Variants in MAP7D2 observed in about 807,000 individuals in gnomAD.
MAP7D2 encodes the protein MAP7 domain containing 2, also known as MAP7 domain-containing protein 2.
In MAP7D2, 33 loss-of-function variants were observed where a neutral mutation model predicts 63.5. That is an observed-to-expected ratio of 0.52 (90% CI 0.39 to 0.70). MAP7D2 has a LOEUF of 0.70. Among genes scored for constraint, MAP7D2 ranks in the 30% least tolerant of loss-of-function variants. MAP7D2 has a pLI of 0.00. For missense variants in MAP7D2, 626 were observed against 604.0 expected, an observed-to-expected ratio of 1.04 and a Z score of -0.38; for synonymous variants, 224 against 223.7, an observed-to-expected ratio of 1.00 and a Z score of -0.01.
intron 1 of MAP7D2, among the ~76,000 whole-genome samples, chrX:20,106,896 C>T (rs1331277151): frequency 6.4e-5 from 7 of 109,083 alleles, no homozygotes; most frequent in East Asian, 2.9e-4. Flanking sequence ...GTGGGAGGAT[C>T]GCTTGAGCCT....
intron 5 of MAP7D2, among the ~76,000 whole-genome samples, chrX:20,051,930 C>A (rs974369126): frequency 1.8e-5 from 2 of 112,454 alleles, no homozygotes; most frequent in Non-Finnish European, 3.8e-5. Context: ...CTCTTCATCA[C>A]TTCCAGGTTC....
rs187308608 is a variant in MAP7D2 at position 20,046,716 on chromosome X, A to G, written c.719-2192T>C. ...TTTCGAAAACTTAGGATTTTAGCCTAATACCTGAACACAATATATCTTTCT... is the reference window on the plus strand; with the variant it reads ...TTTCGAAAACTTAGGATTTTAGCCTGATACCTGAACACAATATATCTTTCT... On this transcript the variant is annotated intron_variant, in intron 6 of 16. Transcript: ENST00000379643. 1.1e-3 allele frequency among the ~76,000 whole-genome samples: 127 copies of G among 112,889 alleles called. 2 individuals carry two copies. Among genetic ancestry groups the G allele is most frequent in the South Asian group, 8.8e-3 (24 of 2,742 alleles).
chrX:20,030,984 T>C (rs768182517), intron 8 of MAP7D2, among the ~76,000 whole-genome samples: 8 of 112,170 alleles, frequency 7.1e-5, no homozygotes, highest in Admixed American at 5.7e-4. Flanking sequence ...ACGACTAGCC[T>C]ATATTCTTTA....
chrX:20,011,434 TGAA>T (rs1448159522), intron 15 of MAP7D2, among the ~76,000 whole-genome samples: 1 of 112,497 alleles, frequency 8.9e-6, no homozygotes, highest in African/African-American at 3.2e-5. Context: ...CAAAGCAAGT[TGAA>T]GAAGAACCCT....
intron 8 of MAP7D2, 52 bp downstream of exon 8, chrX:20,042,450 G>C: frequency 1.7e-6 from 2 of 1,196,540 alleles, no homozygotes; most frequent in Admixed American, 2.2e-5. Flanking sequence ...CAAAGCCCTA[G>C]CAAACTGACT....
In MAP7D2 at chrX:20,006,817, G is replaced by C. The variant is rs1056921817; in HGVS notation, c.*1608C>G. 9.0e-6 allele frequency: 1 copy of C among 111,422 alleles called. No individual in the cohort carries two copies. Among genetic ancestry groups the C allele is most frequent in the African/African-American group, 3.3e-5 (1 of 30,627 alleles). 9.2% of individuals were successfully genotyped at this position (111,422 alleles called of 1,213,427 possible). A position where few individuals can be genotyped will look rare whatever the true frequency, so the allele number is the denominator to read the frequency against. On this transcript the variant is annotated 3_prime_UTR_variant, in exon 17 of 17. Coordinates refer to ENST00000379643, the MANE Select transcript of MAP7D2 (RefSeq NM_001168465.2). ...CACAGGTTTTTAAAAGCCTGGTTTG[G>C]TTTCAGCACATTGAGCTTACAGAAA...
chrX:20,102,641 G>A (rs1471239685), intron 1 of MAP7D2, among the ~76,000 whole-genome samples: 2 of 110,520 alleles, frequency 1.8e-5, no homozygotes, highest in Non-Finnish European at 3.8e-5. Context: ...TGGACGGACG[G>A]ACAGAGATCC....
chrX:20,088,056 ATT>A (rs754137002), intron 1 of MAP7D2, among the ~76,000 whole-genome samples: 5 of 95,679 alleles, frequency 5.2e-5, no homozygotes, highest in Admixed American at 1.2e-4. Context: ...CGTCCGGCTA[ATT>A]TTTTTTTTTT....
At chrX:20,111,824 G>A (rs1036390240) in intron 1 of MAP7D2, among the ~76,000 whole-genome samples, 3 of 112,114 alleles carry the variant, frequency 2.7e-5, no homozygotes, top group South Asian at 7.4e-4. Flanking sequence ...AGGCTGGAGT[G>A]CAGTGGCACA....
intron 1 of MAP7D2, among the ~76,000 whole-genome samples, chrX:20,095,286 C>T (rs1485997765): frequency 1.8e-5 from 2 of 111,682 alleles, no homozygotes; most frequent in Non-Finnish European, 3.8e-5. Flanking sequence ...TGTCTGTAAT[C>T]ACGGCACTTT....
intron 4 of MAP7D2, among the ~76,000 whole-genome samples, chrX:20,053,779 T>C (rs1243176771): frequency 8.9e-6 from 1 of 112,132 alleles, no homozygotes; most frequent in Non-Finnish European, 1.9e-5. Flanking sequence ...GCTCATCGTG[T>C]TTTCCCATGA....
chrX:20,064,501 C>A (rs2065301337), intron 2 of MAP7D2, among the ~76,000 whole-genome samples: 1 of 112,174 alleles, frequency 8.9e-6, no homozygotes, highest in Non-Finnish European at 1.9e-5. Context: ...CAGACCCTAA[C>A]ACAGTGGCTA....
At chrX:20,063,949 T>C (rs1014344224) in intron 2 of MAP7D2, among the ~76,000 whole-genome samples, 2 of 112,761 alleles carry the variant, frequency 1.8e-5, no homozygotes, top group African/African-American at 3.2e-5. Context: ...CTAAACTATA[T>C]GCTAGGTTGA....
chrX:20,116,689 G>A (rs1294497848), intron 1 of MAP7D2, 61 bp downstream of exon 1: 2 of 1,097,325 alleles, frequency 1.8e-6, no homozygotes, highest in Non-Finnish European at 2.4e-6. Flanking sequence ...TGGGCCGCCG[G>A]GCCCGCCCCC....
chrX:20,059,391 G>A (rs929713964), intron 3 of MAP7D2, among the ~76,000 whole-genome samples: 7 of 111,897 alleles, frequency 6.3e-5, no homozygotes, highest in Non-Finnish European at 1.1e-4. Context: ...AGGAAAGGCT[G>A]AGCAACAGAA....
At chrX:20,047,361 G>A (rs985221891) in intron 6 of MAP7D2, among the ~76,000 whole-genome samples, 1 of 112,017 alleles carries the variant, frequency 8.9e-6, no homozygotes, top group Non-Finnish European at 1.9e-5. Context: ...TCCTATGTGC[G>A]TGCCACGATT....
At chrX:20,077,231 G>A (rs2065668516) in intron 1 of MAP7D2, among the ~76,000 whole-genome samples, 1 of 111,866 alleles carries the variant, frequency 8.9e-6, no homozygotes, top group Non-Finnish European at 1.9e-5. Context: ...GAGGTGGGCA[G>A]ATCACCTGAG....
At chrX:20,064,379 T>C (rs1166578995) in intron 2 of MAP7D2, among the ~76,000 whole-genome samples, 3 of 111,987 alleles carry the variant, frequency 2.7e-5, no homozygotes, top group Non-Finnish European at 5.6e-5. Context: ...GATGGCCCTT[T>C]TAGATTCCCA....
At chrX:20,033,885 CAAT>C (rs1185285566) in intron 8 of MAP7D2, among the ~76,000 whole-genome samples, 1 of 111,740 alleles carries the variant, frequency 8.9e-6, no homozygotes, top group Non-Finnish European at 1.9e-5. Flanking sequence ...GTTTTTCCAA[CAAT>C]GAGTATGCAA....
Sources: gnomAD v4.1 joint callset for allele counts (sites outside exome capture counted in the v4.1 genomes callset) on GRCh38, gnomAD v4.1.1 for gene constraint, MANE v1.5 for transcripts, NCBI Gene and HGNC (gene_info 2026-07-23, HGNC 2026-07-21) for gene names.